Variants in CAPN5 observed in about 807,000 individuals in gnomAD.
CAPN5 encodes calpain 5.
Under a neutral mutation model 73.0 loss-of-function variants are expected in CAPN5, and 54 were observed. The ratio of observed to expected loss-of-function variants is 0.74; its 90% confidence interval spans 0.59 to 0.93. The LOEUF (loss-of-function observed/expected upper bound fraction) is 0.93, where lower values mean the gene tolerates loss of function less well. CAPN5 is among the 40% of genes least tolerant of loss of function. CAPN5 has a pLI of 0.00. For synonymous variants in CAPN5, 335 were observed against 356.9 expected, an observed-to-expected ratio of 0.94 and a Z score of 0.69; for missense variants, 785 against 882.9, an observed-to-expected ratio of 0.89 and a Z score of 1.41.
chr11:77,102,413 C>G (rs1950295047), intron 3 of CAPN5, among the ~76,000 whole-genome samples: 1 of 152,204 alleles, frequency 6.6e-6, no homozygotes, highest in East Asian at 1.9e-4. Context: ...TCCTGCGGGT[C>G]TTGCATCTTC....
At chr11:77,092,225 A>G (rs1444224284) in intron 2 of CAPN5, among the ~76,000 whole-genome samples, 1 of 152,198 alleles carries the variant, frequency 6.6e-6, no homozygotes, top group African/African-American at 2.4e-5. Context: ...CAAAAAGACA[A>G]AAACAAAAAC....
At chr11:77,102,902 G>A (rs2135456621) in intron 3 of CAPN5, 1 of 1,612,600 alleles carries the variant, frequency 6.2e-7, no homozygotes, top group Non-Finnish European at 8.5e-7. Context: ...ACCAGGGCCT[G>A]ACCAGGCAGA....
intron 3 of CAPN5, among the ~76,000 whole-genome samples, chr11:77,095,322 C>CCTTA (rs1355267432): frequency 3.3e-5 from 5 of 152,254 alleles, no homozygotes; most frequent in Non-Finnish European, 7.4e-5. Flanking sequence ...GGTCCCCCTG[C>CCTTA]CTTAGAGCCC....
At chr11:77,102,937 A>G in intron 3 of CAPN5, 1 of 1,613,066 alleles carries the variant, frequency 6.2e-7, no homozygotes, top group Non-Finnish European at 8.5e-7. Flanking sequence ...GAGAGCCTGA[A>G]GCAGCGCGGG....
chr11:77,103,206 C>T, intron 3 of CAPN5: 1 of 1,613,776 alleles, frequency 6.2e-7, no homozygotes, highest in South Asian at 1.1e-5. Context: ...GGCCGACGCC[C>T]TGGAGTTTGG....
chr11:77,119,755 C>T (rs1950505158), intron 9 of CAPN5: 2 of 154,680 alleles, frequency 1.3e-5, no homozygotes, highest in Admixed American at 1.3e-4. Context: ...CATGCTGAGT[C>T]CTTGGCATCT....
rs782709664 is a variant in CAPN5, at chr11:77,116,237, G to A, written c.905G>A (p.Trp302Ter). The change falls in exon 7 of 13, where the codon TGG (tryptophan) becomes TAG (stop). Residue 302 changes from tryptophan to a stop codon, truncating the protein, a stop_gained. Coordinates refer to ENST00000648180, the MANE Select transcript of CAPN5 (RefSeq NM_004055.5). LOFTEE classifies it high-confidence loss of function. ...CCCTGACACCCCAGCTCGGAGGAGT[G>A]GCAGAAAGTGAGCAAGAGTGAGCGG... ...NGPWSDTSEE[W>*]QKVSKSEREK... The A allele has an allele frequency of 6.2e-7, 1 of 1,612,676 alleles. No homozygotes were observed. The highest frequency in any genetic ancestry group is 1.3e-5 in the African/African-American group (1 of 74,908).
chr11:77,104,845 G>C (rs1950326930), intron 3 of CAPN5, among the ~76,000 whole-genome samples: 1 of 152,234 alleles, frequency 6.6e-6, no homozygotes, highest in African/African-American at 2.4e-5. Context: ...CCTGTGGCTG[G>C]GGCTGCCGGG....
intron 2 of CAPN5, among the ~76,000 whole-genome samples, chr11:77,091,084 A>T (rs1341494392): frequency 6.6e-6 from 1 of 152,162 alleles, no homozygotes; most frequent in African/African-American, 2.4e-5. Context: ...CCTTGGGGGA[A>T]TTCTAGCCCT....
At chr11:77,067,243 A>C (rs1949852676) in intron 1 of CAPN5, 149 bp downstream of exon 1, 1 of 140,938 alleles carries the variant, frequency 7.1e-6, no homozygotes, top group Non-Finnish European at 1.6e-5. Flanking sequence ...CCCGGGGGGA[A>C]AGGAAGTGAG....
intron 12 of CAPN5, 66 bp from the exon 13 acceptor site, chr11:77,123,622 C>G (rs1033652736): frequency 7.4e-7 from 1 of 1,356,660 alleles, no homozygotes; most frequent in Non-Finnish European, 1.0e-6. Flanking sequence ...CCAGCACCCC[C>G]CATAGACCTA....
At chr11:77,074,211 AT>A (rs1469067912) in intron 1 of CAPN5, among the ~76,000 whole-genome samples, 2 of 152,106 alleles carry the variant, frequency 1.3e-5, no homozygotes, top group African/African-American at 4.8e-5. Context: ...CTTCCCTGCA[AT>A]GGCTCAAGCC....
intron 1 of CAPN5, chr11:77,072,882 A>C (rs185955443): frequency 5.8e-6 from 2 of 342,534 alleles, no homozygotes; most frequent in Admixed American, 7.7e-5. Context: ...CCTCCCTGCC[A>C]CTCAATCACG....
chr11:77,109,397 T>A (rs1950388148), intron 3 of CAPN5, among the ~76,000 whole-genome samples: 1 of 152,144 alleles, frequency 6.6e-6, no homozygotes, highest in South Asian at 2.1e-4. Flanking sequence ...AAAAAATGAG[T>A]TGATTCCCTA....
chr11:77,124,962 T>G lies in CAPN5; in HGVS notation c.*1092T>G, dbSNP rs2135494766. 1 of 154,082 alleles carries G rather than the reference T, an allele frequency of 6.5e-6. No individual in the cohort carries two copies. Among genetic ancestry groups the G allele is most frequent in the East Asian group, 1.9e-4 (1 of 5,248 alleles). The allele number at this position is 154,082 out of a possible 1,614,324, so 9.5% of individuals were successfully genotyped here. A position where few individuals can be genotyped will look rare whatever the true frequency, so the allele number is the denominator to read the frequency against. ...TCCTGCCCAGACCAAAATGTTCCTTTTAGTCCTCAATGTTTTATATTCTTT... is the reference window on the plus strand; with the variant it reads ...TCCTGCCCAGACCAAAATGTTCCTTGTAGTCCTCAATGTTTTATATTCTTT... On this transcript the variant is annotated 3_prime_UTR_variant, in exon 13 of 13. Transcript: ENST00000648180.
chr11:77,100,996 G>A (rs1555038744), intron 3 of CAPN5, among the ~76,000 whole-genome samples: 1 of 151,958 alleles, frequency 6.6e-6, no homozygotes. Context: ...CAGCCATCTT[G>A]CTCACTTCAT....
In CAPN5 at chr11:77,123,989, G is replaced by T; in HGVS notation, c.*119G>T. On this transcript the variant is annotated 3_prime_UTR_variant, in exon 13 of 13. Coordinates refer to ENST00000648180, the MANE Select transcript of CAPN5 (RefSeq NM_004055.5). ...CCTTTTCCCACTCTTCCACTGACTT[G>T]CTGTGTGACCTTAGGAAGTCTCTGC... The T allele has an allele frequency of 1.1e-6, 1 of 944,698 alleles. No homozygotes were observed. 58.5% of individuals were successfully genotyped at this position (944,698 alleles called of 1,614,324 possible). A position where few individuals can be genotyped will look rare whatever the true frequency, so the allele number is the denominator to read the frequency against.
At chr11:77,116,449 T>C (rs1050782109) in intron 7 of CAPN5, 146 bp downstream of exon 7, 8 of 680,310 alleles carry the variant, frequency 1.2e-5, no homozygotes, top group African/African-American at 8.9e-5. Flanking sequence ...AGTCACACCA[T>C]CTCAGAGCCT....
intron 4 of CAPN5, among the ~76,000 whole-genome samples, chr11:77,113,254 G>A (rs1356070653): frequency 2.0e-5 from 3 of 152,232 alleles, no homozygotes; most frequent in Non-Finnish European, 2.9e-5. Flanking sequence ...CTGCCTGGCT[G>A]ACTGTCCATT....
Sources: gnomAD v4.1 joint callset for allele counts (sites outside exome capture counted in the v4.1 genomes callset) on GRCh38, gnomAD v4.1.1 for gene constraint, MANE v1.5 for transcripts, NCBI Gene and HGNC (gene_info 2026-07-23, HGNC 2026-07-21) for gene names.